The following ITCH variants were observed in gnomAD, a reference collection of about 807,000 sequenced individuals.
The protein encoded by ITCH is itchy E3 ubiquitin protein ligase.
Under a neutral mutation model 126.8 loss-of-function variants are expected in ITCH, and 28 were observed. The ratio of observed to expected loss-of-function variants is 0.22; its 90% CI spans 0.16 to 0.30. The LOEUF (loss-of-function observed/expected upper bound fraction) is 0.30, where lower values mean the gene tolerates loss of function less well. Ranked by LOEUF, ITCH falls within the 10% of genes least tolerant of loss-of-function variation. ITCH has a pLI of 1.00. For synonymous variants in ITCH, 342 were observed against 340.0 expected (o/e 1.01, Z -0.06); for missense variants, 631 against 1,032.4 (o/e 0.61, Z 5.33).
At chr20:34,453,999 A>G (rs565102819) in intron 12 of ITCH, among the ~76,000 whole-genome samples, 11 of 151,910 alleles carry the variant, frequency 7.2e-5, no homozygotes, top group African/African-American at 2.7e-4. Context: ...GCTCCGTCTC[A>G]AAAAAGAAGA....
At chr20:34,493,093 A>G (rs1662337143) in intron 23 of ITCH, among the ~76,000 whole-genome samples, 1 of 152,262 alleles carries the variant, frequency 6.6e-6, no homozygotes, top group South Asian at 2.1e-4. Context: ...GAATATTAAG[A>G]TGAATGACTA....
intron 2 of ITCH, among the ~76,000 whole-genome samples, chr20:34,382,728 CTAT>C (rs374784508): frequency 0.016 from 2,270 of 139,896 alleles, 77 homozygotes; most frequent in African/African-American, 0.055. Context: ...TTTATTATTA[CTAT>C]TATTATTATT....
At chr20:34,476,399 G>T in intron 16 of ITCH, 1 of 1,240,566 alleles carries the variant, frequency 8.1e-7, no homozygotes, top group Non-Finnish European at 1.0e-6. Flanking sequence ...CCGGCGTGGT[G>T]CAGCCACCGG....
At chr20:34,457,093 A>AG (rs1236081825) in intron 12 of ITCH, among the ~76,000 whole-genome samples, 1 of 152,150 alleles carries the variant, frequency 6.6e-6, no homozygotes, top group Non-Finnish European at 1.5e-5. Flanking sequence ...TGTGTAAAAA[A>AG]CTAAATAACT....
intron 3 of ITCH, chr20:34,402,007 A>G (rs548867574): frequency 3.5e-6 from 2 of 576,416 alleles, no homozygotes; most frequent in South Asian, 4.0e-5. Context: ...CTTGTCTCAC[A>G]TGAGTACATG....
At chr20:34,437,563 TC>T (rs1983183393) in intron 7 of ITCH, among the ~76,000 whole-genome samples, 1 of 152,222 alleles carries the variant, frequency 6.6e-6, no homozygotes, top group Admixed American at 6.5e-5. Flanking sequence ...CACCTCAGCT[TC>T]CCAAAGTGCT....
chr20:34,410,227 G>A (rs929985612), intron 4 of ITCH, among the ~76,000 whole-genome samples: 3 of 151,950 alleles, frequency 2.0e-5, no homozygotes, highest in Non-Finnish European at 2.9e-5. Flanking sequence ...AATTAGCTGG[G>A]TGTGGTGGTG....
chr20:34,364,828 C>G (rs1209472932), intron 1 of ITCH, among the ~76,000 whole-genome samples: 1 of 139,512 alleles, frequency 7.2e-6, no homozygotes, highest in Non-Finnish European at 1.5e-5. Flanking sequence ...GAGGTGGAGG[C>G]TGCAGTGAGC....
At chr20:34,472,715 T>C (rs572199405) in intron 16 of ITCH, among the ~76,000 whole-genome samples, 1 of 152,342 alleles carries the variant, frequency 6.6e-6, no homozygotes, top group African/African-American at 2.4e-5. Flanking sequence ...GAACGTCAGT[T>C]ATTGACATTA....
intron 3 of ITCH, chr20:34,401,773 A>G (rs968103694): frequency 4.0e-5 from 12 of 298,608 alleles, no homozygotes; most frequent in African/African-American, 2.7e-4. Context: ...GGGGGAAAAA[A>G]AACCACTAAG....
In ITCH at chr20:34,440,160, G is replaced by C. The variant is rs907332969; in HGVS notation, c.685G>C (p.Val229Leu). ...PPPTPRRPAS[V>L]NGSPSATSES... ...TTTCCCCAAATCTTTTATAGCATCT[G>C]TCAATGGTTCACCATCTGCCACTTC... The change falls in exon 9 of 25, where the codon GTC becomes CTC. Residue 229 changes from valine to leucine, a missense_variant. This residue lies in a region of ITCH where 220 missense variants were observed against 265.7 expected (regional missense o/e 0.83). Transcript: ENST00000374864. The C allele has an allele frequency of 6.2e-7, 1 of 1,609,994 alleles. No homozygotes were observed. Among genetic ancestry groups the C allele is most frequent in the South Asian group, 1.1e-5 (1 of 90,996 alleles).
At chr20:34,396,330 G>C (rs907447812) in intron 3 of ITCH, among the ~76,000 whole-genome samples, 1 of 151,974 alleles carries the variant, frequency 6.6e-6, no homozygotes, top group Non-Finnish European at 1.5e-5. Flanking sequence ...CACTGCACGG[G>C]CCCAAATTAT....
At chr20:34,483,341 A>T (rs984828763) in intron 20 of ITCH, among the ~76,000 whole-genome samples, 2 of 152,178 alleles carry the variant, frequency 1.3e-5, no homozygotes, top group African/African-American at 4.8e-5. Context: ...CCAAACTTTT[A>T]TGCTCTGCTT....
At chr20:34,449,338 C>A in intron 11 of ITCH, 73 bp from the exon 12 acceptor site, 1 of 876,166 alleles carries the variant, frequency 1.1e-6, no homozygotes, top group South Asian at 1.4e-5. Context: ...GAAGGGAAAT[C>A]AGAACTCATA....
chr20:34,477,447 T>G (rs1346678781), intron 16 of ITCH, among the ~76,000 whole-genome samples: 1 of 152,146 alleles, frequency 6.6e-6, no homozygotes, highest in Non-Finnish European at 1.5e-5. Flanking sequence ...AGAGAATCGC[T>G]TGAACCTGGG....
chr20:34,492,642 A>T, intron 23 of ITCH, 45 bp downstream of exon 23: 1 of 1,240,848 alleles, frequency 8.1e-7, no homozygotes, highest in Non-Finnish European at 1.2e-6. Flanking sequence ...ATTGTTTATC[A>T]TGCTGCTTTA....
chr20:34,430,589 T>A (rs1982152259), intron 7 of ITCH, among the ~76,000 whole-genome samples: 2 of 152,320 alleles, frequency 1.3e-5, no homozygotes, highest in South Asian at 4.1e-4. Context: ...TTTTCCTGCC[T>A]CAGCCTCCGA....
intron 12 of ITCH, among the ~76,000 whole-genome samples, chr20:34,456,844 A>C (rs1278534726): frequency 1.3e-5 from 2 of 151,574 alleles, no homozygotes; most frequent in Non-Finnish European, 2.9e-5. Context: ...GGCCTCCCAA[A>C]GTGCTGGGAT....
chr20:34,423,101 T>G (rs908807113), intron 6 of ITCH, among the ~76,000 whole-genome samples: 3 of 152,134 alleles, frequency 2.0e-5, no homozygotes, highest in African/African-American at 7.2e-5. Flanking sequence ...GGCCTCTATT[T>G]TTTATCTCTA....
Sources: allele counts gnomAD v4.1 joint callset (sites outside exome capture counted in the v4.1 genomes callset), GRCh38; gene constraint gnomAD v4.1.1; regional missense constraint gnomAD v4.1.1; transcripts MANE v1.5; gene names NCBI Gene and HGNC (gene_info 2026-07-23, HGNC 2026-07-21).